Variants in SLC46A3 observed in about 807,000 individuals in gnomAD.
SLC46A3 encodes lysosomal proton-coupled steroid conjugate and bile acid symporter SLC46A3.
Under a neutral mutation model 38.5 loss-of-function variants are expected in SLC46A3, and 26 were observed. The ratio of observed to expected loss-of-function variants is 0.68; its 90% CI spans 0.49 to 0.94. The LOEUF is 0.94. Among genes scored for constraint, SLC46A3 ranks in the 40% least tolerant of loss-of-function variants. The probability of loss-of-function intolerance (pLI) is 0.00; values close to 1 mark genes in which losing one functional copy is unlikely to be tolerated. For synonymous variants in SLC46A3, 185 were observed against 192.5 expected (o/e 0.96, Z 0.32); for missense variants, 510 against 544.3 (o/e 0.94, Z 0.63).
At chr13:28,713,679 C>G in intron 2 of SLC46A3, 129 bp from the exon 3 acceptor site, 1 of 786,756 alleles carries the variant, frequency 1.3e-6, no homozygotes, top group South Asian at 1.9e-5. Context: ...GGTGGATGGG[C>G]GGGACTAATA....
intron 2 of SLC46A3, among the ~76,000 whole-genome samples, chr13:28,714,348 G>A (rs751766560): frequency 3.3e-5 from 5 of 152,122 alleles, no homozygotes; most frequent in African/African-American, 1.2e-4. Context: ...GGTGGCTTAC[G>A]CTTATAATCC....
At chr13:28,703,908 A>G in intron 5 of SLC46A3, 35 bp downstream of exon 5, 1 of 1,566,948 alleles carries the variant, frequency 6.4e-7, no homozygotes, top group Middle Eastern at 1.7e-4. Context: ...TAATCCATAT[A>G]CCCTCTGATA....
Position 28,712,780 on chromosome 13 carries a change from A to G in SLC46A3, c.960T>C (p.Tyr320=), listed in dbSNP as rs1885386718. ...TSFLGIWLFS[Y]CMEDIHMAFI... ...AGGCCATATGAATATCTTCCATACA[A>G]TAAGAAAAAAGCCATATTCCTAGGA... Residue 320 remains tyrosine (Y), a synonymous_variant, in exon 3 of 6, where the codon TAT becomes TAC. Transcript: ENST00000266943. The G allele has an allele frequency of 6.2e-7, 1 of 1,613,728 alleles. No individual in the cohort carries two copies. The highest frequency in any genetic ancestry group is 8.5e-7 in the Non-Finnish European group (1 of 1,179,906).
rs1322198755 is a variant in SLC46A3, at chr13:28,717,484, A to AATTTTTTTTTTTTTTTTTTTTTTT, written c.189+325_189+326insAAAAAAAAAAAAAAAAAAAAAAAT. Among the ~76,000 whole-genome samples the AATTTTTTTTTTTTTTTTTTTTTTT allele has an allele frequency of 6.5e-3, 614 of 93,864 alleles. 130 individuals carry two copies. The highest frequency in any genetic ancestry group is 7.8e-3 in the Non-Finnish European group (370 of 47,346). The allele number at this position is 93,864 out of a possible 152,430, so 61.6% of individuals were successfully genotyped here. A position where few individuals can be genotyped will look rare whatever the true frequency, so the allele number is the denominator to read the frequency against. ...CAGCCTGCCCTGCCCCAATTTTCAG[A>AATTTTTTTTTTTTTTTTTTTTTTT]CTTTTTTTTTTTTTTTTTTTTTTTT... On this transcript the variant is annotated intron_variant, in intron 2 of 5. Transcript: ENST00000266943.
At chr13:28,714,142 A>C (rs550845561) in intron 2 of SLC46A3, among the ~76,000 whole-genome samples, 1 of 11,906 alleles carries the variant, frequency 8.4e-5, no homozygotes, top group Admixed American at 2.0e-3. Flanking sequence ...CAAAAAATAC[A>C]AAAAAAAAAA....
chr13:28,716,609 T>A (rs892269390), intron 2 of SLC46A3, among the ~76,000 whole-genome samples: 3 of 152,136 alleles, frequency 2.0e-5, no homozygotes, highest in Non-Finnish European at 2.9e-5. Flanking sequence ...CCTTTTTTTT[T>A]ATGACCTTAC....
chr13:28,701,599 A>G lies in SLC46A3; in HGVS notation c.1302-18T>C. 1 of 1,604,990 alleles carries G rather than the reference A, an allele frequency of 6.2e-7. No individual in the cohort carries two copies. The highest frequency in any genetic ancestry group is 8.5e-7 in the Non-Finnish European group (1 of 1,176,888). Reference sequence around the variant, plus strand: ...TGACAACACTATAAAAGGAAACAAGACATTTTAAAGTTGAGATTAAGACAA... The same window carrying G: ...TGACAACACTATAAAAGGAAACAAGGCATTTTAAAGTTGAGATTAAGACAA... On this transcript the variant is annotated intron_variant, in intron 5 of 5. Transcript: ENST00000266943.
chr13:28,701,424 C>A lies in SLC46A3; in HGVS notation c.*73G>T. 6.4e-7 allele frequency: 1 copy of A among 1,571,854 alleles called. No homozygotes were observed. Among genetic ancestry groups the A allele is most frequent in the Non-Finnish European group, 8.6e-7 (1 of 1,163,564 alleles). ...TCAGTGAAGCACTGATTGTGGAATT[C>A]ATTTATAGTCTTCAGAAGTCATGGT... On this transcript the variant is annotated 3_prime_UTR_variant, in exon 6 of 6. Coordinates refer to ENST00000266943, the MANE Select transcript of SLC46A3 (RefSeq NM_181785.4).
At chr13:28,705,698 C>T (rs1885154359) in intron 4 of SLC46A3, among the ~76,000 whole-genome samples, 1 of 152,180 alleles carries the variant, frequency 6.6e-6, no homozygotes, top group Non-Finnish European at 1.5e-5. Flanking sequence ...TTCAGGATCC[C>T]ATTTACCAGT....
At chr13:28,709,835 A>G (rs1355513314) in intron 4 of SLC46A3, among the ~76,000 whole-genome samples, 6 of 152,172 alleles carry the variant, frequency 3.9e-5, no homozygotes, top group African/African-American at 1.2e-4. Flanking sequence ...CCCACTCTCT[A>G]TAATGGCCTT....
intron 4 of SLC46A3, among the ~76,000 whole-genome samples, chr13:28,707,570 A>T (rs952630110): frequency 4.6e-5 from 7 of 152,346 alleles, no homozygotes; most frequent in African/African-American, 1.2e-4. Context: ...AAAAAATTTT[A>T]AAAAGCCTTT....
At chr13:28,712,114 T>C (rs1158430394) in intron 3 of SLC46A3, among the ~76,000 whole-genome samples, 1 of 152,218 alleles carries the variant, frequency 6.6e-6, no homozygotes, top group Non-Finnish European at 1.5e-5. Flanking sequence ...CCTTTTTCAA[T>C]GCAGTATCTC....
intron 2 of SLC46A3, among the ~76,000 whole-genome samples, chr13:28,716,279 G>A (rs1885525475): frequency 6.6e-6 from 1 of 152,162 alleles, no homozygotes; most frequent in Non-Finnish European, 1.5e-5. Context: ...ATTCAAGTAT[G>A]TATATTAACA....
chr13:28,717,650 A>G (rs564457963), intron 2 of SLC46A3, among the ~76,000 whole-genome samples, 160 bp downstream of exon 2: 57 of 152,080 alleles, frequency 3.7e-4, no homozygotes, highest in African/African-American at 1.4e-3. Context: ...GGAAACTTCA[A>G]ATGAGGTGAG....
chr13:28,704,944 C>T (rs186605187), intron 4 of SLC46A3, among the ~76,000 whole-genome samples: 3 of 152,302 alleles, frequency 2.0e-5, no homozygotes, highest in Admixed American at 1.3e-4. Context: ...TCAGTGCAAG[C>T]TCACAATCAG....
chr13:28,717,005 T>A (rs566838503), intron 2 of SLC46A3, among the ~76,000 whole-genome samples: 12 of 142,674 alleles, frequency 8.4e-5, no homozygotes, highest in Admixed American at 4.2e-4. Flanking sequence ...AAAAAAAAAA[T>A]TTCCAAACCT....
At chr13:28,703,770 T>A in intron 5 of SLC46A3, 173 bp downstream of exon 5, 1 of 450,696 alleles carries the variant, frequency 2.2e-6, no homozygotes, top group Non-Finnish European at 3.9e-6. Context: ...CTTCACTGTG[T>A]CATTCCAATT....
In SLC46A3 at chr13:28,712,693, C is replaced by CA; in HGVS notation, c.1046dup (p.Met350AspfsTer31). On this transcript the variant is annotated frameshift_variant, in exon 3 of 6. Coordinates refer to ENST00000266943, the MANE Select transcript of SLC46A3 (RefSeq NM_181785.4). LOFTEE classifies it high-confidence loss of function. Reference sequence around the variant, plus strand: ...CTTGGAACTCACCTAAAAACATCATCAGTGTTGTACTGGCAAACGCGGTCA... The same window carrying CA: ...CTTGGAACTCACCTAAAAACATCATCAAGTGTTGTACTGGCAAACGCGGTCA... 6.3e-7 allele frequency: 1 copy of CA among 1,582,010 alleles called. No individual in the cohort carries two copies. Among genetic ancestry groups the CA allele is most frequent in the Non-Finnish European group, 8.5e-7 (1 of 1,170,232 alleles).
intron 2 of SLC46A3, among the ~76,000 whole-genome samples, chr13:28,716,950 T>G (rs2137843616): frequency 6.6e-6 from 1 of 151,698 alleles, no homozygotes; most frequent in Admixed American, 6.6e-5. Context: ...AGAAGAAGAG[T>G]TTAGAGTTTA....
Sources: allele counts gnomAD v4.1 joint callset (sites outside exome capture counted in the v4.1 genomes callset), GRCh38; gene constraint gnomAD v4.1.1; transcripts MANE v1.5; gene names NCBI Gene and HGNC (gene_info 2026-07-23, HGNC 2026-07-21).